Variants in TRIM5 observed in about 807,000 individuals in gnomAD.
The protein encoded by TRIM5 is tripartite motif-containing protein 5.
In TRIM5, 31 loss-of-function variants were observed where a neutral mutation model predicts 35.6. The observed-to-expected ratio is 0.87, with a 90% confidence interval of 0.65 to 1.18. The LOEUF (loss-of-function observed/expected upper bound fraction) is 1.18. Ranked by LOEUF, TRIM5 falls within the 50% of genes most tolerant of loss-of-function variation. The pLI, the probability that TRIM5 is intolerant of heterozygous loss-of-function variation, is 0.00. For missense variants in TRIM5, 609 were observed against 591.6 expected, an observed-to-expected ratio of 1.03 and a Z score of -0.31; for synonymous variants, 243 against 215.6, an observed-to-expected ratio of 1.13 and a Z score of -1.11.
chr11:5,679,655 G>T (rs1456370065), intron 2 of TRIM5, 106 bp downstream of exon 2: 4 of 1,220,040 alleles, frequency 3.3e-6, no homozygotes, highest in Non-Finnish European at 4.5e-6. Context: ...AAATAATCCC[G>T]GGTCTCAGGT....
the TRIM5 span, among the ~76,000 whole-genome samples, chr11:5,594,948 G>T: frequency 6.6e-6 from 1 of 152,126 alleles, no homozygotes; most frequent in Non-Finnish European, 1.5e-5. Flanking sequence ...ACCTAAAACC[G>T]TTGTGAAGAA....
At chr11:5,605,064 GAGGCTTCCTGGA>G in the TRIM5 span, 1 of 514,150 alleles carries the variant, frequency 1.9e-6, no homozygotes, top group Non-Finnish European at 3.5e-6. Flanking sequence ...AGAGGTGAGG[GAGGCTTCCTGGA>G]ATCTAAACGT....
chr11:5,634,530 C>CACACAT, the TRIM5 span: 116 of 261,290 alleles, frequency 4.4e-4, no homozygotes, highest in East Asian at 5.4e-3. Context: ...CACACACACA[C>CACACAT]ATATATATAT....
At chr11:5,610,453 C>A in the TRIM5 span, 1 of 1,609,286 alleles carries the variant, frequency 6.2e-7, no homozygotes, top group Non-Finnish European at 8.5e-7. Flanking sequence ...CTCACCATTC[C>A]CCTCAATGTA....
intron 4 of TRIM5, among the ~76,000 whole-genome samples, chr11:5,670,408 A>G (rs1480394572): frequency 6.6e-6 from 1 of 151,570 alleles, no homozygotes; most frequent in Non-Finnish European, 1.5e-5. Flanking sequence ...GATGGTCTCG[A>G]TCCGCCCGCC....
the TRIM5 span, chr11:5,626,880 C>T: frequency 9.1e-5 from 13 of 143,508 alleles, no homozygotes; most frequent in Non-Finnish European, 1.8e-4. Context: ...AAGACTCTGT[C>T]TCAAAAAAAA....
chr11:5,674,198 G>A (rs554561804), intron 4 of TRIM5, among the ~76,000 whole-genome samples: 1 of 152,274 alleles, frequency 6.6e-6, no homozygotes, highest in East Asian at 1.9e-4. Context: ...AGACATAAGT[G>A]TGTGTGCTGT....
At position 5,678,401 on chromosome 11, in the gene TRIM5, C is replaced by T. The variant is rs370971495; in HGVS notation, c.547G>A (p.Ala183Thr). The part of the protein sequence containing the change: ...QIQYDKTNVL[A>T]DFEQLRDILD... ...ATGTCTCTCAGTTGCTCAAAATCTGCCAAGACGTTGGTTTTGTCATACTGT... is the reference window on the plus strand; with the variant it reads ...ATGTCTCTCAGTTGCTCAAAATCTGTCAAGACGTTGGTTTTGTCATACTGT... The change falls in exon 4 of 8, where the codon GCA becomes ACA. Residue 183 changes from alanine (A) to threonine (T), a missense_variant. Coordinates refer to ENST00000380034, the MANE Select transcript of TRIM5 (RefSeq NM_033034.3). 7.5e-6 allele frequency: 12 copies of T among 1,590,066 alleles called. No individual in the cohort carries two copies. In the South Asian group the frequency reaches 7.9e-5, roughly 10 times the overall value.
chr11:5,650,793 T>C, the TRIM5 span, among the ~76,000 whole-genome samples: 1 of 152,196 alleles, frequency 6.6e-6, no homozygotes, highest in Non-Finnish European at 1.5e-5. Flanking sequence ...AGTTCAGTGT[T>C]CAGTCTCCAC....
the TRIM5 span, chr11:5,610,421 A>G: frequency 2.2e-5 from 35 of 1,595,196 alleles, no homozygotes; most frequent in Non-Finnish European, 3.0e-5. Flanking sequence ...TGAAATGGCC[A>G]GGTGACATCC....
At chr11:5,596,770 T>G in the TRIM5 span, 3 of 1,442,466 alleles carry the variant, frequency 2.1e-6, no homozygotes, top group Non-Finnish European at 2.9e-6. Context: ...CGTGGTTGAG[T>G]TTAGATAAAA....
At chr11:5,643,125 A>ATATATTT in the TRIM5 span, 53,871 of 964,882 alleles carry the variant, frequency 0.056, 578 homozygotes, top group Non-Finnish European at 0.063. Flanking sequence ...ATATATATAT[A>ATATATTT]TTTTTTTTTT....
the TRIM5 span, chr11:5,605,698 AT>A: frequency 8.8e-7 from 1 of 1,131,292 alleles, no homozygotes; most frequent in Non-Finnish European, 1.2e-6. Context: ...TATAGTGCCT[AT>A]CCCCTATTAA....
the TRIM5 span, among the ~76,000 whole-genome samples, chr11:5,656,024 A>G: frequency 1.3e-5 from 2 of 152,242 alleles, no homozygotes; most frequent in South Asian, 4.1e-4. Context: ...TAAAGACTTA[A>G]ACATAAGACC....
the TRIM5 span, among the ~76,000 whole-genome samples, chr11:5,635,204 T>C: frequency 1.4e-5 from 2 of 143,950 alleles, no homozygotes; most frequent in Admixed American, 6.8e-5. Flanking sequence ...AGAAATGTGT[T>C]CTATTTAAGT....
the TRIM5 span, among the ~76,000 whole-genome samples, chr11:5,614,654 A>G: frequency 4.5e-4 from 68 of 152,192 alleles, no homozygotes; most frequent in Non-Finnish European, 9.0e-4. Flanking sequence ...AGTTTGTAAA[A>G]GAGAACTGTA....
At chr11:5,642,758 G>A in the TRIM5 span, 3 of 1,604,786 alleles carry the variant, frequency 1.9e-6, no homozygotes, top group African/African-American at 4.0e-5. Flanking sequence ...AGAATATATA[G>A]GTATCAGTGC....
At chr11:5,605,949 G>A in the TRIM5 span, among the ~76,000 whole-genome samples, 1 of 152,088 alleles carries the variant, frequency 6.6e-6, no homozygotes, top group African/African-American at 2.4e-5. Flanking sequence ...AGCGTCTCTG[G>A]CCTCTGCTCA....
At chr11:5,657,788 G>T in the TRIM5 span, among the ~76,000 whole-genome samples, 1 of 144,612 alleles carries the variant, frequency 6.9e-6, no homozygotes, top group Non-Finnish European at 1.5e-5. Flanking sequence ...GCAAATTTTT[G>T]TAGTTTTAGT....
Sources: gnomAD v4.1 joint callset for allele counts (sites outside exome capture counted in the v4.1 genomes callset) on GRCh38, gnomAD v4.1.1 for gene constraint, MANE v1.5 for transcripts, NCBI Gene and HGNC (gene_info 2026-07-23, HGNC 2026-07-21) for gene names.